SUPT3H: variants seen among roughly 807,000 people sequenced by gnomAD.
SUPT3H encodes the protein SPT3 homolog, SAGA and STAGA complex component, also known as transcription initiation protein SPT3 homolog.
SUPT3H carries 44 observed loss-of-function variants against 44.3 expected under a neutral mutation model. The ratio of observed to expected loss-of-function variants is 0.99; its 90% CI spans 0.78 to 1.28. SUPT3H has a LOEUF of 1.28. Ranked by LOEUF, SUPT3H falls within the 50% of genes most tolerant of loss-of-function variation. SUPT3H has a pLI of 0.00. For missense variants in SUPT3H, 380 were observed against 387.1 expected (o/e 0.98, Z 0.15); for synonymous variants, 124 against 125.6 (o/e 0.99, Z 0.09).
At chr6:45,228,463 T>G (rs564400763) in intron 2 of SUPT3H, among the ~76,000 whole-genome samples, 74 of 151,866 alleles carry the variant, frequency 4.9e-4, no homozygotes, top group African/African-American at 1.6e-3. Flanking sequence ...AACATTGCCT[T>G]TTCCTGGTTA....
At chr6:45,335,628 C>A (rs1202783282) in intron 2 of SUPT3H, among the ~76,000 whole-genome samples, 3 of 151,192 alleles carry the variant, frequency 2.0e-5, no homozygotes, top group Non-Finnish European at 4.5e-5. Flanking sequence ...TGCTAACAAT[C>A]CACATTATAT....
At chr6:45,043,591 T>G (rs772097235) in intron 3 of SUPT3H, among the ~76,000 whole-genome samples, 1 of 152,142 alleles carries the variant, frequency 6.6e-6, no homozygotes, top group South Asian at 2.1e-4. Context: ...TAGATGCTTT[T>G]TAGAATTGGA....
chr6:45,307,124 C>T (rs867921090), intron 2 of SUPT3H, among the ~76,000 whole-genome samples: 1 of 152,224 alleles, frequency 6.6e-6, no homozygotes, highest in Non-Finnish European at 1.5e-5. Context: ...CACCAGGAAG[C>T]TCGAACTGGG....
At chr6:45,218,894 A>G (rs968438771) in intron 2 of SUPT3H, among the ~76,000 whole-genome samples, 11 of 152,324 alleles carry the variant, frequency 7.2e-5, no homozygotes, top group African/African-American at 1.2e-4. Context: ...AAATCTCAAC[A>G]TATTTCAAAG....
At chr6:45,096,185 T>C (rs1797759011) in intron 3 of SUPT3H, among the ~76,000 whole-genome samples, 1 of 152,154 alleles carries the variant, frequency 6.6e-6, no homozygotes, top group African/African-American at 2.4e-5. Flanking sequence ...TTCTAATTTG[T>C]ATTGCATTGA....
intron 2 of SUPT3H, among the ~76,000 whole-genome samples, chr6:45,296,597 G>A (rs1162188477): frequency 6.6e-6 from 1 of 151,662 alleles, no homozygotes; most frequent in Non-Finnish European, 1.5e-5. Context: ...AAATTAGCGA[G>A]GCGTGGTGGC....
At chr6:45,224,142 A>G (rs1766508938) in intron 2 of SUPT3H, among the ~76,000 whole-genome samples, 1 of 151,446 alleles carries the variant, frequency 6.6e-6, no homozygotes, top group Non-Finnish European at 1.5e-5. Context: ...CATAATATAT[A>G]TATATACATA....
At chr6:45,143,573 G>T (rs1197364833) in intron 2 of SUPT3H, among the ~76,000 whole-genome samples, 1 of 152,104 alleles carries the variant, frequency 6.6e-6, no homozygotes, top group African/African-American at 2.4e-5. Context: ...AAAGTTCATA[G>T]TATTAAATGC....
At chr6:45,009,841 A>G (rs929329326) in intron 5 of SUPT3H, among the ~76,000 whole-genome samples, 1 of 152,138 alleles carries the variant, frequency 6.6e-6, no homozygotes, top group African/African-American at 2.4e-5. Flanking sequence ...TGGTATTTCT[A>G]TATGATTGGT....
At chr6:44,955,241 A>T (rs1774928149) in intron 7 of SUPT3H, 1 of 152,792 alleles carries the variant, frequency 6.5e-6, no homozygotes, top group Admixed American at 6.5e-5. Flanking sequence ...AAGGAGGTGG[A>T]TCACCACTGC....
Position 44,962,950 on chromosome 6 carries a change from C to A in SUPT3H, c.505-1122G>T, listed in dbSNP as rs539094870. The stretch of plus-strand genomic sequence containing the variant: ...CCTTCATTCCTTACCTCCCACACAT[C>A]CACATACTCACAAATCCAAGTCTAT... On this transcript the variant is annotated intron_variant, in intron 6 of 10. Transcript: ENST00000371459. Among the ~76,000 whole-genome samples the A allele has an allele frequency of 2.0e-5, 3 of 151,948 alleles. No individual in the cohort carries two copies. In the South Asian group the frequency reaches 6.2e-4, roughly 32 times the overall value.
intron 2 of SUPT3H, among the ~76,000 whole-genome samples, chr6:45,210,499 C>T (rs966339706): frequency 6.6e-6 from 1 of 152,156 alleles, no homozygotes; most frequent in Non-Finnish European, 1.5e-5. Context: ...CTACCTATAA[C>T]CTGGAAGCCC....
chr6:45,138,699 T>C (rs1804707896), intron 2 of SUPT3H, among the ~76,000 whole-genome samples: 1 of 151,660 alleles, frequency 6.6e-6, no homozygotes, highest in Non-Finnish European at 1.5e-5. Context: ...TCAAGAGGAG[T>C]AGTTATAAGA....
intron 2 of SUPT3H, among the ~76,000 whole-genome samples, chr6:45,111,230 A>C (rs1800010219): frequency 6.6e-6 from 1 of 151,996 alleles, no homozygotes; most frequent in Non-Finnish European, 1.5e-5. Context: ...ACAGGGTTTC[A>C]CCATGTTGGC....
intron 2 of SUPT3H, among the ~76,000 whole-genome samples, chr6:45,165,999 TA>T (rs1230153258): frequency 6.6e-6 from 1 of 152,122 alleles, no homozygotes; most frequent in Non-Finnish European, 1.5e-5. Context: ...CTAGACTAAA[TA>T]ATGAAATGTA....
At chr6:44,901,193 GAGA>G (rs1218404459) in intron 10 of SUPT3H, among the ~76,000 whole-genome samples, 3 of 152,172 alleles carry the variant, frequency 2.0e-5, no homozygotes, top group African/African-American at 4.8e-5. Flanking sequence ...GACAAGTTGA[GAGA>G]AGAAGGCTTC....
intron 2 of SUPT3H, among the ~76,000 whole-genome samples, chr6:45,147,318 C>A (rs577809847): frequency 6.6e-6 from 1 of 152,054 alleles, no homozygotes; most frequent in South Asian, 2.1e-4. Flanking sequence ...AAAAGCTGAA[C>A]TAATTCATTA....
rs187961518 is a variant in SUPT3H, at chr6:45,376,650, T to C, written c.-1+1118A>G. 3.3e-5 allele frequency among the ~76,000 whole-genome samples: 5 copies of C among 152,330 alleles called. No homozygotes were observed. The East Asian group carries it at 9.6e-4, about 29-fold the overall frequency. On this transcript the variant is annotated intron_variant, in intron 1 of 10. Transcript: ENST00000371459. ...ATATCCTGAGATAAGAAACTTTCCA[T>C]AGCACAATGAAGAGCATTCCATTCT...
intron 10 of SUPT3H, among the ~76,000 whole-genome samples, chr6:44,837,578 T>C (rs1223820432): frequency 1.3e-5 from 2 of 152,232 alleles, no homozygotes; most frequent in Non-Finnish European, 2.9e-5. Flanking sequence ...ACTAGCAATG[T>C]TGCAAAGCAG....
Sources: gnomAD v4.1 joint callset for allele counts (sites outside exome capture counted in the v4.1 genomes callset) on GRCh38, gnomAD v4.1.1 for gene constraint, MANE v1.5 for transcripts, NCBI Gene and HGNC (gene_info 2026-07-23, HGNC 2026-07-21) for gene names.